CNTNAP5: variants seen among roughly 807,000 people sequenced by gnomAD.
CNTNAP5 encodes contactin-associated protein-like 5.
CNTNAP5 carries 72 observed loss-of-function variants against 150.2 expected under a neutral mutation model. The observed-to-expected ratio is 0.48, with a 90% CI of 0.40 to 0.58. CNTNAP5 has a LOEUF of 0.58. Ranked by LOEUF, CNTNAP5 falls within the 20% of genes least tolerant of loss-of-function variation. CNTNAP5 has a pLI of 0.00. For synonymous variants in CNTNAP5, 672 were observed against 619.8 expected (o/e 1.08, Z -1.25); for missense variants, 1,636 against 1,626.2 (o/e 1.01, Z -0.10).
intron 12 of CNTNAP5, among the ~76,000 whole-genome samples, chr2:124,634,175 T>C (rs1225482472): frequency 6.6e-6 from 1 of 152,218 alleles, no homozygotes; most frequent in Non-Finnish European, 1.5e-5. Context: ...TTCTACCACA[T>C]GGCCAGGCTG....
In CNTNAP5 at chr2:124,235,988, T is replaced by C. The variant is rs116329050; in HGVS notation, c.188-6212T>C. ...ATTTATTTATTTATTTATTTAGTGA[T>C]GAAGTCCCACTCTGTTGCCCAGGCT... On this transcript the variant is annotated intron_variant, in intron 2 of 23. Transcript: ENST00000682447. Among the ~76,000 whole-genome samples the C allele has an allele frequency of 9.1e-3, 1,372 of 151,216 alleles. 22 individuals carry two copies. Among genetic ancestry groups the C allele is most frequent in the African/African-American group, 0.031 (1,288 of 41,238 alleles).
At chr2:124,354,591 A>G (rs908806017) in intron 3 of CNTNAP5, among the ~76,000 whole-genome samples, 3 of 152,188 alleles carry the variant, frequency 2.0e-5, no homozygotes, top group Admixed American at 2.0e-4. Context: ...GCCACAGAAA[A>G]TCAGGAATCT....
intron 3 of CNTNAP5, among the ~76,000 whole-genome samples, chr2:124,266,391 T>C (rs999406655): frequency 1.3e-5 from 2 of 152,168 alleles, no homozygotes; most frequent in African/African-American, 4.8e-5. Flanking sequence ...ATAGTATCAA[T>C]TTCTTTACAG....
At chr2:124,786,197 A>T (rs919147961) in intron 17 of CNTNAP5, among the ~76,000 whole-genome samples, 4 of 151,502 alleles carry the variant, frequency 2.6e-5, no homozygotes, top group African/African-American at 9.7e-5. Context: ...TGGGAGATGG[A>T]GGCTGCAGTG....
At chr2:124,790,391 A>G (rs1239408185) in intron 18 of CNTNAP5, among the ~76,000 whole-genome samples, 2 of 152,240 alleles carry the variant, frequency 1.3e-5, no homozygotes, top group Non-Finnish European at 2.9e-5. Context: ...TCAGTTAAGT[A>G]GAGAAAGAGG....
intron 11 of CNTNAP5, among the ~76,000 whole-genome samples, chr2:124,575,212 G>A (rs1696254347): frequency 6.6e-6 from 1 of 152,186 alleles, no homozygotes; most frequent in Admixed American, 6.5e-5. Context: ...CCTGAATATT[G>A]TGACTCTTTC....
intron 3 of CNTNAP5, among the ~76,000 whole-genome samples, chr2:124,385,061 C>T (rs761375351): frequency 5.3e-5 from 8 of 152,164 alleles, no homozygotes; most frequent in Non-Finnish European, 8.8e-5. Flanking sequence ...AAATGGCAGG[C>T]ACCCAACCCT....
chr2:124,757,018 G>A (rs929060824), intron 14 of CNTNAP5, among the ~76,000 whole-genome samples: 1 of 152,176 alleles, frequency 6.6e-6, no homozygotes, highest in Non-Finnish European at 1.5e-5. Context: ...AGAAGTAATA[G>A]CATGCCAGCA....
chr2:124,248,360 T>G (rs1329688773), intron 3 of CNTNAP5, among the ~76,000 whole-genome samples: 1 of 152,192 alleles, frequency 6.6e-6, no homozygotes, highest in Admixed American at 6.6e-5. Flanking sequence ...AAGCCTGGAC[T>G]TCACTATGAA....
chr2:124,774,206 G>A (rs1212856099), intron 17 of CNTNAP5, among the ~76,000 whole-genome samples: 1 of 151,480 alleles, frequency 6.6e-6, no homozygotes, highest in Non-Finnish European at 1.5e-5. Context: ...TTCCTTTTTT[G>A]TTTATTTATT....
At chr2:124,088,658 T>C (rs1181638335) in intron 1 of CNTNAP5, among the ~76,000 whole-genome samples, 1 of 152,136 alleles carries the variant, frequency 6.6e-6, no homozygotes, top group Non-Finnish European at 1.5e-5. Flanking sequence ...AATCCAAGCA[T>C]TCTATTCAGT....
intron 1 of CNTNAP5, among the ~76,000 whole-genome samples, chr2:124,128,834 T>C (rs1174750496): frequency 1.3e-5 from 2 of 152,150 alleles, no homozygotes; most frequent in African/African-American, 2.4e-5. Flanking sequence ...CACTGCATAT[T>C]CTCACTCATA....
chr2:124,706,795 A>AAGAAGAAGAAGAAGGAGG (rs1553433527), intron 13 of CNTNAP5, among the ~76,000 whole-genome samples: 3 of 18,868 alleles, frequency 1.6e-4, no homozygotes, highest in Non-Finnish European at 2.1e-4. Flanking sequence ...GAAGAAGAAG[A>AAGAAGAAGAAGAAGGAGG]AGGAGGAGGA....
chr2:124,680,822 T>C (rs1427991953), intron 13 of CNTNAP5: 1 of 151,888 alleles, frequency 6.6e-6, no homozygotes, highest in East Asian at 1.9e-4. Flanking sequence ...TTTTACATAA[T>C]TTGGGTATGA....
At chr2:124,795,148 C>A (rs933171167) in intron 18 of CNTNAP5, among the ~76,000 whole-genome samples, 2 of 152,186 alleles carry the variant, frequency 1.3e-5, no homozygotes, top group African/African-American at 2.4e-5. Flanking sequence ...TGTGCTTTTA[C>A]GTACTTTCTT....
intron 1 of CNTNAP5, among the ~76,000 whole-genome samples, chr2:124,142,749 C>A (rs1280469925): frequency 3.6e-5 from 5 of 139,792 alleles, no homozygotes; most frequent in Admixed American, 1.4e-4. Flanking sequence ...CAAGAGCAAA[C>A]ACATTCAAAA....
At chr2:124,434,929 AT>A (rs1353134040) in intron 5 of CNTNAP5, among the ~76,000 whole-genome samples, 3 of 152,224 alleles carry the variant, frequency 2.0e-5, no homozygotes, top group Non-Finnish European at 4.4e-5. Flanking sequence ...GTATTTATCC[AT>A]TTAGTTTTCT....
At chr2:124,242,169 C>T in intron 2 of CNTNAP5, 31 bp from the exon 3 acceptor site, 1 of 1,522,572 alleles carries the variant, frequency 6.6e-7, no homozygotes. Context: ...ATTACTACAA[C>T]TCTCTCTCAC....
At chr2:124,871,930 C>T (rs908100441) in intron 21 of CNTNAP5, among the ~76,000 whole-genome samples, 5 of 151,976 alleles carry the variant, frequency 3.3e-5, no homozygotes, top group Non-Finnish European at 7.4e-5. Context: ...TTGCTTCCTC[C>T]TATTCTATCT....
Sources: allele counts gnomAD v4.1 joint callset (sites outside exome capture counted in the v4.1 genomes callset), GRCh38; gene constraint gnomAD v4.1.1; transcripts MANE v1.5; gene names NCBI Gene and HGNC (gene_info 2026-07-23, HGNC 2026-07-21).